Variants in WT1 observed in about 807,000 individuals in gnomAD.
The protein encoded by WT1 is Wilms tumor protein.
A neutral mutation model predicts 60.8 loss-of-function variants in WT1; 8 were observed. That is an observed-to-expected ratio of 0.13 (90% CI 0.08 to 0.24). The LOEUF (loss-of-function observed/expected upper bound fraction) is 0.24. WT1 is among the 10% of genes least tolerant of loss of function. The probability of loss-of-function intolerance (pLI) is 1.00; values close to 1 mark genes in which losing one functional copy is unlikely to be tolerated. For missense variants in WT1, 568 were observed against 711.8 expected, an observed-to-expected ratio of 0.80 and a Z score of 2.30; for synonymous variants, 312 against 297.1, an observed-to-expected ratio of 1.05 and a Z score of -0.52.
At chr11:32,392,363 C>T (rs766960618) in intron 8 of WT1, among the ~76,000 whole-genome samples, 3 of 152,198 alleles carry the variant, frequency 2.0e-5, no homozygotes, top group Non-Finnish European at 4.4e-5. Context: ...GTGAATCACA[C>T]GCTACAAATT....
At chr11:32,408,514 T>TAAAAAAAAA (rs58685266) in intron 5 of WT1, among the ~76,000 whole-genome samples, 68 of 74,184 alleles carry the variant, frequency 9.2e-4, no homozygotes, top group African/African-American at 1.1e-3. Context: ...GACTACGTCT[T>TAAAAAAAAA]AAAAAAAAAA....
chr11:32,390,496 C>T (rs901880865), intron 9 of WT1, among the ~76,000 whole-genome samples: 1 of 152,202 alleles, frequency 6.6e-6, no homozygotes, highest in Non-Finnish European at 1.5e-5. Context: ...TCCCATCCTG[C>T]CAACCATGGG....
At chr11:32,395,802 C>T (rs141740590) in intron 7 of WT1, among the ~76,000 whole-genome samples, 61 of 152,038 alleles carry the variant, frequency 4.0e-4, no homozygotes, top group Middle Eastern at 3.4e-3. Flanking sequence ...AACTAACAAT[C>T]AATTTTCCCC....
At chr11:32,430,598 C>T in intron 1 of WT1, 1 of 1,588,804 alleles carries the variant, frequency 6.3e-7, no homozygotes, top group Non-Finnish European at 8.6e-7. Flanking sequence ...GAGCCCTGCT[C>T]CGCAACTGTC....
At chr11:32,431,051 C>G (rs1484191592) in intron 1 of WT1, among the ~76,000 whole-genome samples, 2 of 152,130 alleles carry the variant, frequency 1.3e-5, no homozygotes, top group Non-Finnish European at 2.9e-5. Flanking sequence ...AGTCCCGGCC[C>G]GGGAGGGGAG....
intron 7 of WT1, 70 bp downstream of exon 7, chr11:32,396,187 G>A: frequency 6.2e-7 from 1 of 1,602,768 alleles, no homozygotes. Flanking sequence ...TGGGTCCTTA[G>A]CAGTGTGAGA....
At chr11:32,401,702 G>T (rs1852163973) in intron 5 of WT1, among the ~76,000 whole-genome samples, 1 of 152,000 alleles carries the variant, frequency 6.6e-6, no homozygotes, top group South Asian at 2.1e-4. Context: ...ACCATACCCG[G>T]CTCATTTTTG....
intron 6 of WT1, among the ~76,000 whole-genome samples, chr11:32,399,592 G>A (rs778356066): frequency 1.2e-4 from 19 of 152,220 alleles, no homozygotes; most frequent in Middle Eastern, 3.2e-3. Flanking sequence ...ACTTTACGAT[G>A]TAGACCAAAT....
intron 3 of WT1, among the ~76,000 whole-genome samples, chr11:32,424,610 G>C (rs1311598993): frequency 6.6e-6 from 1 of 152,196 alleles, no homozygotes; most frequent in Non-Finnish European, 1.5e-5. Context: ...GAGAGGGTAA[G>C]GAGGATAGAG....
intron 1 of WT1, chr11:32,430,475 A>C: frequency 1.3e-6 from 2 of 1,571,158 alleles, no homozygotes; most frequent in Non-Finnish European, 1.7e-6. Flanking sequence ...AGAGAGAGAG[A>C]GAGAGAGAGA....
rs116454200 is a variant in WT1, at chr11:32,422,244, C to T, written c.888-4590G>A. Among the ~76,000 whole-genome samples the T allele has an allele frequency of 6.0e-3, 916 of 152,320 alleles. 10 individuals carry two copies. Among genetic ancestry groups the T allele is most frequent in the African/African-American group, 0.021 (869 of 41,558 alleles). On this transcript the variant is annotated intron_variant, in intron 3 of 9. Coordinates refer to ENST00000452863, the MANE Select transcript of WT1 (RefSeq NM_024426.6). ...GGTATTGTAATTTCTCTCAAGCTCA[C>T]CAGCTAACCAAAGAAAAACCCACTG...
At chr11:32,413,397 C>T (rs758976367) in intron 5 of WT1, among the ~76,000 whole-genome samples, 2 of 152,194 alleles carry the variant, frequency 1.3e-5, no homozygotes, top group African/African-American at 4.8e-5. Flanking sequence ...TAATACTTTT[C>T]ATACCATGGC....
At chr11:32,390,775 C>T (rs573113601) in intron 9 of WT1, among the ~76,000 whole-genome samples, 1 of 152,322 alleles carries the variant, frequency 6.6e-6, no homozygotes, top group African/African-American at 2.4e-5. Context: ...ACTTGACTCT[C>T]CATGCTCCCT....
At chr11:32,400,330 C>T (rs1175035863) in intron 5 of WT1, 1 of 499,232 alleles carries the variant, frequency 2.0e-6, no homozygotes, top group East Asian at 3.7e-5. Flanking sequence ...ACCACAGTGG[C>T]AGGGTTTCAT....
chr11:32,416,160 G>A (rs561764953), intron 5 of WT1, among the ~76,000 whole-genome samples: 1 of 152,344 alleles, frequency 6.6e-6, no homozygotes, highest in Admixed American at 6.5e-5. Flanking sequence ...AGCTTTGACT[G>A]ATCTAACAGG....
At chr11:32,393,900 A>C (rs1176572286) in intron 7 of WT1, among the ~76,000 whole-genome samples, 1 of 151,808 alleles carries the variant, frequency 6.6e-6, no homozygotes, top group Non-Finnish European at 1.5e-5. Flanking sequence ...TTTTATTTTT[A>C]TTTTTTCTCA....
intron 5 of WT1, chr11:32,400,635 C>A (rs2132962743): frequency 5.1e-6 from 1 of 194,326 alleles, no homozygotes; most frequent in East Asian, 1.2e-4. Flanking sequence ...GAATCTTCCT[C>A]CAGCATTCCA....
chr11:32,392,898 C>T (rs1851859059), intron 7 of WT1, 143 bp from the exon 8 acceptor site: 2 of 701,992 alleles, frequency 2.8e-6, no homozygotes, highest in Non-Finnish European at 5.0e-6. Flanking sequence ...TGATCCCCAA[C>T]TTGCAAGTTA....
chr11:32,430,772 C>A, intron 1 of WT1: 1 of 1,325,276 alleles, frequency 7.5e-7, no homozygotes, highest in Non-Finnish European at 9.6e-7. Flanking sequence ...CGGCCTCAAA[C>A]CCTCTCCTTC....
Sources: gnomAD v4.1 joint callset for allele counts (sites outside exome capture counted in the v4.1 genomes callset) on GRCh38, gnomAD v4.1.1 for gene constraint, MANE v1.5 for transcripts, NCBI Gene and HGNC (gene_info 2026-07-23, HGNC 2026-07-21) for gene names.